The following STAG1 variants were observed in gnomAD, a reference collection of about 807,000 sequenced individuals.
STAG1 encodes the protein cohesin subunit SA-1.
A neutral mutation model predicts 170.9 loss-of-function variants in STAG1; 26 were observed. The observed-to-expected ratio is 0.15, with a 90% CI of 0.11 to 0.21. STAG1 has a LOEUF of 0.21. STAG1 is among the 10% of genes least tolerant of loss of function. The pLI, the probability that STAG1 is intolerant of heterozygous loss-of-function variation, is 1.00. For synonymous variants in STAG1, 514 were observed against 497.7 expected, an observed-to-expected ratio of 1.03 and a Z score of -0.44; for missense variants, 964 against 1,509.5, an observed-to-expected ratio of 0.64 and a Z score of 5.99.
At chr3:136,464,254 T>C (rs1007262145) in intron 13 of STAG1, among the ~76,000 whole-genome samples, 3 of 151,696 alleles carry the variant, frequency 2.0e-5, no homozygotes, top group African/African-American at 7.3e-5. Context: ...AGAAACCCTG[T>C]CTCTAATAAA....
At chr3:136,593,402 G>A (rs995165475) in intron 4 of STAG1, among the ~76,000 whole-genome samples, 75 of 152,308 alleles carry the variant, frequency 4.9e-4, no homozygotes, top group Non-Finnish European at 3.2e-4. Context: ...AACAGCACAG[G>A]AGGATATCCA....
chr3:136,368,754 T>G (rs1295174129), intron 24 of STAG1, among the ~76,000 whole-genome samples: 1 of 152,220 alleles, frequency 6.6e-6, no homozygotes, highest in African/African-American at 2.4e-5. Context: ...GGAAAAGATC[T>G]GAGGTACAGT....
chr3:136,512,303 C>T (rs565922056), intron 7 of STAG1, among the ~76,000 whole-genome samples: 2 of 151,984 alleles, frequency 1.3e-5, no homozygotes, highest in South Asian at 4.2e-4. Flanking sequence ...AAGACCCTGT[C>T]TCGAAAATAA....
At chr3:136,702,048 G>T (rs1385696414) in intron 1 of STAG1, among the ~76,000 whole-genome samples, 2 of 142,832 alleles carry the variant, frequency 1.4e-5, no homozygotes, top group Non-Finnish European at 3.0e-5. Context: ...AAGTAGCTAG[G>T]ACTACAGGCA....
At chr3:136,382,268 T>G (rs1307897648) in intron 22 of STAG1, among the ~76,000 whole-genome samples, 3 of 152,214 alleles carry the variant, frequency 2.0e-5, no homozygotes, top group Non-Finnish European at 4.4e-5. Context: ...ATGTGTCTTA[T>G]GTAAAATGAT....
chr3:136,374,903 A>G (rs1362937434), intron 23 of STAG1, among the ~76,000 whole-genome samples: 1 of 152,150 alleles, frequency 6.6e-6, no homozygotes, highest in Non-Finnish European at 1.5e-5. Context: ...TTCCATTCTT[A>G]TGGTAAGTAT....
intron 1 of STAG1, among the ~76,000 whole-genome samples, chr3:136,643,668 C>T (rs1281414640): frequency 1.3e-5 from 2 of 152,128 alleles, no homozygotes; most frequent in Non-Finnish European, 2.9e-5. Flanking sequence ...ACCACCACAC[C>T]TGGCTAATTT....
intron 15 of STAG1, among the ~76,000 whole-genome samples, chr3:136,439,247 C>A (rs2088556339): frequency 7.0e-6 from 1 of 143,686 alleles, no homozygotes; most frequent in Non-Finnish European, 1.5e-5. Flanking sequence ...TCTCATTTTA[C>A]AGTTTAAGAA....
chr3:136,389,370 T>C (rs1054960415), intron 22 of STAG1, among the ~76,000 whole-genome samples: 1 of 152,040 alleles, frequency 6.6e-6, no homozygotes, highest in Non-Finnish European at 1.5e-5. Context: ...AGTGCAGTGG[T>C]GTGATCTCCG....
chr3:136,387,555 G>A (rs2086905280), intron 22 of STAG1, among the ~76,000 whole-genome samples: 1 of 152,172 alleles, frequency 6.6e-6, no homozygotes, highest in South Asian at 2.1e-4. Context: ...CATTGTAGAA[G>A]GGTAAACACT....
At chr3:136,700,491 C>T (rs910340354) in intron 1 of STAG1, among the ~76,000 whole-genome samples, 3 of 150,976 alleles carry the variant, frequency 2.0e-5, no homozygotes, top group Non-Finnish European at 4.4e-5. Flanking sequence ...GTGATCTCTG[C>T]TCACCGCAAC....
At chr3:136,686,708 T>C (rs1942543101) in intron 1 of STAG1, among the ~76,000 whole-genome samples, 1 of 152,238 alleles carries the variant, frequency 6.6e-6, no homozygotes, top group South Asian at 2.1e-4. Context: ...ATGTATTTGA[T>C]GAACTTGTTG....
chr3:136,340,855 A>G lies in STAG1; in HGVS notation c.3558-250T>C, dbSNP rs147360510. Among the ~76,000 whole-genome samples the G allele has an allele frequency of 9.2e-5, 14 of 152,328 alleles. No homozygotes were observed. In the East Asian group the frequency reaches 1.5e-3, roughly 17 times the overall value. ...GTTGTTAACATTTATTTATGTGTCAATTACCCTAAAAATCTTATTGGTAGT... is the reference window on the plus strand; with the variant it reads ...GTTGTTAACATTTATTTATGTGTCAGTTACCCTAAAAATCTTATTGGTAGT... On this transcript the variant is annotated intron_variant, in intron 31 of 33. Coordinates refer to ENST00000383202, the MANE Select transcript of STAG1 (RefSeq NM_005862.3).
chr3:136,467,133 G>A (rs1201503164), intron 12 of STAG1, among the ~76,000 whole-genome samples: 4 of 152,238 alleles, frequency 2.6e-5, no homozygotes, highest in South Asian at 4.2e-4. Context: ...ATAACGTAAC[G>A]ACAGGATCAA....
intron 1 of STAG1, among the ~76,000 whole-genome samples, chr3:136,702,825 T>C (rs1439221432): frequency 1.3e-5 from 2 of 152,040 alleles, no homozygotes; most frequent in East Asian, 3.9e-4. Context: ...ATCCCAGCAC[T>C]ATGAGAGGCC....
At chr3:136,344,433 A>C (rs1936131189) in intron 29 of STAG1, among the ~76,000 whole-genome samples, 1 of 152,108 alleles carries the variant, frequency 6.6e-6, no homozygotes, top group Non-Finnish European at 1.5e-5. Flanking sequence ...GTAGCAATTA[A>C]AGTCTGACTG....
At chr3:136,357,457 G>A (rs1465841283) in intron 28 of STAG1, among the ~76,000 whole-genome samples, 2 of 152,156 alleles carry the variant, frequency 1.3e-5, no homozygotes, top group African/African-American at 4.8e-5. Flanking sequence ...GGCTAAACCA[G>A]TGTTTATACA....
chr3:136,677,941 A>T (rs1037128688), intron 1 of STAG1, among the ~76,000 whole-genome samples: 4 of 147,350 alleles, frequency 2.7e-5, no homozygotes, highest in African/African-American at 7.4e-5. Flanking sequence ...TATATTATAT[A>T]TTATATTTTA....
At position 136,584,638 on chromosome 3, in the gene STAG1, A is replaced by T. The variant is rs541467737; in HGVS notation, c.298-15777T>A. Among the ~76,000 whole-genome samples the T allele has an allele frequency of 2.0e-5, 3 of 152,360 alleles. No individual in the cohort carries two copies. In the East Asian group the frequency reaches 5.8e-4, roughly 29 times the overall value. On this transcript the variant is annotated intron_variant, in intron 4 of 33. Transcript: ENST00000383202. ...ATTTTGATATTCTTATTGAAGATAC[A>T]TCCAATATCTTTCAATCCACAATTT...
Sources: gnomAD v4.1 joint callset for allele counts (sites outside exome capture counted in the v4.1 genomes callset) on GRCh38, gnomAD v4.1.1 for gene constraint, MANE v1.5 for transcripts, NCBI Gene and HGNC (gene_info 2026-07-23, HGNC 2026-07-21) for gene names.